The following PHACTR4 variants were observed in gnomAD, a reference collection of about 807,000 sequenced individuals.
The protein encoded by PHACTR4 is protein phosphatase 1, regulatory subunit 124.
PHACTR4 carries 51 observed loss-of-function variants against 72.7 expected under a neutral mutation model. The observed-to-expected ratio is 0.70, with a 90% CI of 0.56 to 0.89. The LOEUF is 0.89. Among genes scored for constraint, PHACTR4 ranks in the 40% least tolerant of loss-of-function variants. The probability of loss-of-function intolerance (pLI) is 0.00; values close to 1 mark genes in which losing one functional copy is unlikely to be tolerated. For synonymous variants in PHACTR4, 255 were observed against 302.5 expected, an observed-to-expected ratio of 0.84 and a Z score of 1.63; for missense variants, 731 against 861.8, an observed-to-expected ratio of 0.85 and a Z score of 1.90.
At chr1:28,489,848 A>C (rs747034280) in intron 10 of PHACTR4, 2 of 519,010 alleles carry the variant, frequency 3.9e-6, no homozygotes, top group Admixed American at 3.9e-5. Context: ...ATTTGTGAGC[A>C]TGTTCAGTCT....
At chr1:28,494,267 A>G (rs1661205966) in intron 13 of PHACTR4, 1 of 152,142 alleles carries the variant, frequency 6.6e-6, no homozygotes, top group Admixed American at 6.6e-5. Flanking sequence ...CTGTAATCCT[A>G]GCACTTTGGG....
chr1:28,492,925 A>G, intron 12 of PHACTR4, 90 bp from the exon 13 acceptor site: 1 of 1,168,226 alleles, frequency 8.6e-7, no homozygotes, highest in Non-Finnish European at 1.3e-6. Context: ...AGTGACTTAC[A>G]AAGTTAAACA....
chr1:28,381,179 G>T (rs1274282918), intron 1 of PHACTR4, among the ~76,000 whole-genome samples: 1 of 145,722 alleles, frequency 6.9e-6, no homozygotes, highest in African/African-American at 2.6e-5. Flanking sequence ...GCTAATTTTT[G>T]TATTTTTGTA....
At chr1:28,379,216 A>G (rs975817064) in intron 1 of PHACTR4, among the ~76,000 whole-genome samples, 5 of 149,706 alleles carry the variant, frequency 3.3e-5, no homozygotes, top group African/African-American at 1.2e-4. Flanking sequence ...GGGCCTCCCA[A>G]AGTGCTTGAA....
intron 4 of PHACTR4, among the ~76,000 whole-genome samples, chr1:28,465,415 A>G (rs1382888301): frequency 6.6e-6 from 1 of 152,090 alleles, no homozygotes; most frequent in African/African-American, 2.4e-5. Flanking sequence ...AGCCAAGATC[A>G]TGCCACTGCA....
At chr1:28,486,219 G>A (rs963191273) in intron 9 of PHACTR4, among the ~76,000 whole-genome samples, 2 of 151,936 alleles carry the variant, frequency 1.3e-5, no homozygotes, top group Non-Finnish European at 2.9e-5. Context: ...AGCTGGGCGT[G>A]GTAGCACATG....
rs1042793430 is a variant in PHACTR4 at position 28,379,714 on chromosome 1, C to T, written c.-39+9889C>T. Among the ~76,000 whole-genome samples the T allele has an allele frequency of 2.6e-5, 4 of 151,678 alleles. No individual in the cohort carries two copies. In the South Asian group the frequency reaches 6.2e-4, roughly 24 times the overall value. On this transcript the variant is annotated intron_variant, in intron 1 of 13. Transcript: ENST00000373839. Reference sequence around the variant, plus strand: ...ACGCCATTCTCCTGCCTCAGCCTCCCGAGTAGCTGGGACTACAGGCGCCCG... The same window carrying T: ...ACGCCATTCTCCTGCCTCAGCCTCCTGAGTAGCTGGGACTACAGGCGCCCG...
At chr1:28,432,921 T>TC (rs1480423495) in intron 2 of PHACTR4, 3 of 179,670 alleles carry the variant, frequency 1.7e-5, no homozygotes, top group African/African-American at 7.2e-5. Flanking sequence ...TGTATTTTTT[T>TC]TTTTTGTAGA....
At chr1:28,484,685 G>T (rs1660518421) in intron 9 of PHACTR4, among the ~76,000 whole-genome samples, 1 of 151,032 alleles carries the variant, frequency 6.6e-6, no homozygotes, top group African/African-American at 2.4e-5. Flanking sequence ...ATAAAAACAT[G>T]GGTCGGGCGC....
At chr1:28,458,931 C>T in intron 2 of PHACTR4, 154 bp from the exon 3 acceptor site, 1 of 548,804 alleles carries the variant, frequency 1.8e-6, no homozygotes. Context: ...TGTTTGGTGT[C>T]CATGTGATGT....
intron 6 of PHACTR4, among the ~76,000 whole-genome samples, chr1:28,468,730 G>A (rs1360104554): frequency 6.6e-6 from 1 of 152,130 alleles, no homozygotes; most frequent in African/African-American, 2.4e-5. Flanking sequence ...GAAAGCTTAT[G>A]ATAACAGACT....
intron 2 of PHACTR4, among the ~76,000 whole-genome samples, chr1:28,417,037 T>G (rs1655147567): frequency 6.8e-6 from 1 of 147,168 alleles, no homozygotes; most frequent in Non-Finnish European, 1.5e-5. Flanking sequence ...TCTTTCTTGC[T>G]TTTTTTTTTC....
At chr1:28,458,203 T>C (rs1486798498) in intron 2 of PHACTR4, among the ~76,000 whole-genome samples, 2 of 151,256 alleles carry the variant, frequency 1.3e-5, no homozygotes, top group African/African-American at 4.9e-5. Flanking sequence ...GTGCAGTATC[T>C]TAATCACAGC....
intron 6 of PHACTR4, among the ~76,000 whole-genome samples, chr1:28,469,553 TTTA>T (rs1659429430): frequency 6.6e-6 from 1 of 152,198 alleles, no homozygotes; most frequent in Admixed American, 6.5e-5. Context: ...CCAAATAGAA[TTTA>T]TTTTATTAAT....
chr1:28,397,026 T>C (rs996929267), intron 1 of PHACTR4, among the ~76,000 whole-genome samples: 9 of 151,990 alleles, frequency 5.9e-5, no homozygotes, highest in Admixed American at 2.0e-4. Flanking sequence ...CAAGAAAATG[T>C]GGAAATAACA....
At chr1:28,381,933 A>G (rs1215384759) in intron 1 of PHACTR4, among the ~76,000 whole-genome samples, 2 of 151,948 alleles carry the variant, frequency 1.3e-5, no homozygotes, top group Non-Finnish European at 2.9e-5. Context: ...ACGCCAGGCT[A>G]ATTTTTGTAT....
intron 2 of PHACTR4, among the ~76,000 whole-genome samples, chr1:28,438,619 TAAAACTTA>T (rs1656790416): frequency 1.3e-5 from 2 of 152,242 alleles, no homozygotes; most frequent in South Asian, 4.1e-4. Context: ...TTAAGTTTTT[TAAAACTTA>T]AAAACTTAAA....
At chr1:28,436,391 TC>T (rs1192422104) in intron 2 of PHACTR4, among the ~76,000 whole-genome samples, 1 of 152,092 alleles carries the variant, frequency 6.6e-6, no homozygotes. Context: ...TGCACGCCAC[TC>T]CACCCAGTGG....
intron 9 of PHACTR4, among the ~76,000 whole-genome samples, chr1:28,487,796 C>CAT (rs1368638979): frequency 8.1e-6 from 1 of 123,836 alleles, no homozygotes; most frequent in African/African-American, 3.2e-5. Flanking sequence ...AGTGCAGTAG[C>CAT]ATGAGCTTCA....
Sources: gnomAD v4.1 joint callset for allele counts (sites outside exome capture counted in the v4.1 genomes callset) on GRCh38, gnomAD v4.1.1 for gene constraint, MANE v1.5 for transcripts, NCBI Gene and HGNC (gene_info 2026-07-23, HGNC 2026-07-21) for gene names.